The following MYO16 variants were observed in gnomAD, a reference collection of about 807,000 sequenced individuals.
The protein encoded by MYO16 is unconventional myosin-XVI.
Under a neutral mutation model 205.3 loss-of-function variants are expected in MYO16, and 94 were observed. The observed-to-expected ratio is 0.46, with a 90% confidence interval of 0.39 to 0.54. MYO16 has a LOEUF of 0.54. MYO16 is among the 20% of genes least tolerant of loss of function. The pLI, the probability that MYO16 is intolerant of heterozygous loss-of-function variation, is 0.00. For missense variants in MYO16, 2,315 were observed against 2,387.5 expected (o/e 0.97, Z 0.63); for synonymous variants, 988 against 954.0 (o/e 1.04, Z -0.66).
intron 32 of MYO16, chr13:109,164,135 G>C (rs1160756554): frequency 6.6e-6 from 1 of 152,248 alleles, no homozygotes; most frequent in Non-Finnish European, 1.5e-5. Context: ...TGGTGATGGG[G>C]GGATGTCTGG....
upstream of MYO16, among the ~76,000 whole-genome samples, chr13:108,627,291 G>T (rs557176242): frequency 1.0e-3 from 156 of 152,210 alleles, no homozygotes; most frequent in Admixed American, 3.8e-3. Flanking sequence ...TTAATCTGGG[G>T]AAATTATATG....
intron 15 of MYO16, among the ~76,000 whole-genome samples, chr13:108,904,866 C>T (rs1481793328): frequency 6.6e-6 from 1 of 152,144 alleles, no homozygotes; most frequent in Non-Finnish European, 1.5e-5. Context: ...CGTTCCTTGT[C>T]TTTTAAGGGT....
chr13:109,191,977 T>A (rs1290008591), intron 34 of MYO16, among the ~76,000 whole-genome samples: 1 of 152,210 alleles, frequency 6.6e-6, no homozygotes, highest in African/African-American at 2.4e-5. Flanking sequence ...CCAGGGAATC[T>A]GGACCCCATA....
At chr13:108,708,109 T>G (rs1228937238) in intron 2 of MYO16, among the ~76,000 whole-genome samples, 1 of 152,170 alleles carries the variant, frequency 6.6e-6, no homozygotes, top group African/African-American at 2.4e-5. Flanking sequence ...ACTAGCAACA[T>G]TCATCTTAAT....
the MYO16 span, among the ~76,000 whole-genome samples, chr13:108,572,447 G>A: frequency 2.4e-3 from 367 of 152,236 alleles, 1 homozygote; most frequent in African/African-American, 8.5e-3. Flanking sequence ...TGGAAACCTG[G>A]GATGTGGAGG....
chr13:108,934,026 G>A (rs1405891181), intron 16 of MYO16, among the ~76,000 whole-genome samples: 1 of 152,056 alleles, frequency 6.6e-6, no homozygotes, highest in Non-Finnish European at 1.5e-5. Context: ...GTTGATTTCA[G>A]GTCTTTGCTA....
intron 23 of MYO16, among the ~76,000 whole-genome samples, chr13:109,037,577 T>A (rs1886755570): frequency 6.6e-6 from 1 of 151,650 alleles, no homozygotes; most frequent in African/African-American, 2.4e-5. Context: ...GAAACATCAA[T>A]TAGGGATATT....
chr13:108,784,559 A>AG (rs1446952255), intron 4 of MYO16, among the ~76,000 whole-genome samples: 1 of 152,186 alleles, frequency 6.6e-6, no homozygotes, highest in Non-Finnish European at 1.5e-5. Flanking sequence ...ATCTGTGCAG[A>AG]CTTGCTAAAG....
At chr13:108,750,627 A>T (rs1447313129) in intron 4 of MYO16, among the ~76,000 whole-genome samples, 5 of 151,526 alleles carry the variant, frequency 3.3e-5, no homozygotes, top group Non-Finnish European at 4.4e-5. Context: ...AAAAAAAAAA[A>T]AAAAGAAAGA....
At chr13:108,535,719 T>C in the MYO16 span, among the ~76,000 whole-genome samples, 4 of 152,168 alleles carry the variant, frequency 2.6e-5, no homozygotes, top group Admixed American at 2.6e-4. Flanking sequence ...GTCTTTTTTC[T>C]TAGGTGTCCT....
At chr13:108,661,613 T>C (rs1881504547) in intron 1 of MYO16, among the ~76,000 whole-genome samples, 1 of 152,184 alleles carries the variant, frequency 6.6e-6, no homozygotes, top group Non-Finnish European at 1.5e-5. Context: ...TCTAAAAGCA[T>C]GTCCAAAGTT....
chr13:108,939,716 C>T (rs369935218), intron 16 of MYO16, among the ~76,000 whole-genome samples: 58 of 152,258 alleles, frequency 3.8e-4, no homozygotes, highest in African/African-American at 1.2e-3. Context: ...CCTAATGTCT[C>T]TAATTCAGAG....
At chr13:109,179,490 A>G (rs1879362747) in intron 33 of MYO16, 52 bp from the exon 34 acceptor site, 1 of 1,171,700 alleles carries the variant, frequency 8.5e-7, no homozygotes, top group Non-Finnish European at 1.3e-6. Flanking sequence ...GACTTACTTT[A>G]TTTGGAACAA....
At chr13:108,647,818 C>T (rs892816425) in intron 1 of MYO16, among the ~76,000 whole-genome samples, 2 of 152,166 alleles carry the variant, frequency 1.3e-5, no homozygotes, top group Non-Finnish European at 2.9e-5. Context: ...TTGTAACCAT[C>T]AAATGTCTAA....
chr13:108,845,028 G>A (rs994623249), intron 10 of MYO16, among the ~76,000 whole-genome samples: 3 of 152,080 alleles, frequency 2.0e-5, no homozygotes, highest in Non-Finnish European at 2.9e-5. Flanking sequence ...AGGGGAATGA[G>A]CTTGGAGTTA....
At chr13:109,087,791 A>G (rs1888481511) in intron 27 of MYO16, among the ~76,000 whole-genome samples, 1 of 152,232 alleles carries the variant, frequency 6.6e-6, no homozygotes, top group Non-Finnish European at 1.5e-5. Flanking sequence ...CTCCTGAAAG[A>G]TAGGAGGTCA....
At chr13:108,683,351 T>C (rs1483843921) in intron 2 of MYO16, among the ~76,000 whole-genome samples, 1 of 152,088 alleles carries the variant, frequency 6.6e-6, no homozygotes, top group African/African-American at 2.4e-5. Context: ...CCTTCCTTCC[T>C]CCTGTTCTAT....
chr13:109,081,135 T>G (rs1395243973), intron 27 of MYO16, among the ~76,000 whole-genome samples: 14 of 152,200 alleles, frequency 9.2e-5, no homozygotes, highest in Admixed American at 9.2e-4. Flanking sequence ...TCCTCAGAAT[T>G]CTCATACGTT....
chr13:108,773,515 C>G (rs1383972137), intron 4 of MYO16, among the ~76,000 whole-genome samples: 2 of 152,122 alleles, frequency 1.3e-5, no homozygotes, highest in Non-Finnish European at 2.9e-5. Flanking sequence ...CCAATCTCTG[C>G]CTTCATCCTC....
Sources: gnomAD v4.1 joint callset for allele counts (sites outside exome capture counted in the v4.1 genomes callset) on GRCh38, gnomAD v4.1.1 for gene constraint, MANE v1.5 for transcripts, NCBI Gene and HGNC (gene_info 2026-07-23, HGNC 2026-07-21) for gene names.